NTMT1: variants seen among roughly 807,000 people sequenced by gnomAD.
NTMT1 encodes N-terminal Xaa-Pro-Lys N-methyltransferase 1.
A neutral mutation model predicts 17.5 loss-of-function variants in NTMT1; 8 were observed. The ratio of observed to expected loss-of-function variants is 0.46; its 90% CI spans 0.27 to 0.82. The LOEUF (loss-of-function observed/expected upper bound fraction) is 0.82. Among genes scored for constraint, NTMT1 ranks in the 40% least tolerant of loss-of-function variants. NTMT1 has a pLI of 0.15. For missense variants in NTMT1, 221 were observed against 303.5 expected (o/e 0.73, Z 2.02); for synonymous variants, 128 against 126.8 (o/e 1.01, Z -0.06).
At chr9:129,625,218 A>G (rs952463497), upstream of NTMT1, among the ~76,000 whole-genome samples, 3 of 152,138 alleles carry the variant, frequency 2.0e-5, no homozygotes, top group African/African-American at 7.2e-5. Context: ...ATTTCTTTGC[A>G]TGGGAGGAGC....
Position 129,635,012 on chromosome 9 carries a change from G to A in NTMT1, c.416-196G>A, listed in dbSNP as rs185203519. The stretch of plus-strand genomic sequence containing the variant: ...TGGCTTAATGTGTCTTTAGGTAGAT[G>A]ACCTCTGAGCCACAGTTTCCTATTC... On this transcript the variant is annotated intron_variant, in intron 3 of 3. Coordinates refer to ENST00000372483, the MANE Select transcript of NTMT1 (RefSeq NM_014064.4). 1.9e-5 allele frequency: 12 copies of A among 639,476 alleles called. No individual in the cohort carries two copies. The Admixed American group carries it at 3.0e-4, about 16-fold the overall frequency. The allele number at this position is 639,476 out of a possible 1,614,324, so 39.6% of individuals were successfully genotyped here. A position where few individuals can be genotyped will look rare whatever the true frequency, so the allele number is the denominator to read the frequency against.
chr9:129,626,807 C>G (rs1292803113), intron 1 of NTMT1, among the ~76,000 whole-genome samples: 1 of 152,228 alleles, frequency 6.6e-6, no homozygotes, highest in Non-Finnish European at 1.5e-5. Context: ...AGAGCCCTTG[C>G]GGCCAAGGTC....
Position 129,635,646 on chromosome 9 carries a change from G to T in NTMT1, c.*182G>T. The T allele has an allele frequency of 2.7e-6, 2 of 753,794 alleles. No homozygotes were observed. The highest frequency in any genetic ancestry group is 3.6e-5 in the South Asian group (2 of 56,048). 46.7% of individuals were successfully genotyped at this position (753,794 alleles called of 1,614,324 possible). On this transcript the variant is annotated 3_prime_UTR_variant, in exon 4 of 4. Coordinates refer to ENST00000372483, the MANE Select transcript of NTMT1 (RefSeq NM_014064.4). ...AGGCAAGGTGGGACCCGGCGGGGAGGGTGCTGCTGAACCAGCGGTGAGGCA... is the reference window on the plus strand; with the variant it reads ...AGGCAAGGTGGGACCCGGCGGGGAGTGTGCTGCTGAACCAGCGGTGAGGCA...
chr9:129,630,414 C>CTT (rs1343991828), intron 1 of NTMT1, among the ~76,000 whole-genome samples: 4 of 152,134 alleles, frequency 2.6e-5, no homozygotes, highest in Non-Finnish European at 5.9e-5. Context: ...AGTCTGGCGA[C>CTT]AGTGAGACCC....
chr9:129,620,042 C>G lies in NTMT1; in HGVS notation c.-55+10864C>G, dbSNP rs979850751. On this transcript the variant is annotated intron_variant, in intron 1 of 3. Transcript: ENST00000372486. The surrounding 1 kb of genome is among the most constrained non-coding windows in gnomAD (Gnocchi z 5.8). ...CCCCACCGGAAATGACTCGGGCCCG[C>G]CCCCCGGGCCCCGCGGGGCCTCACT... 1 of 1,451,422 alleles carries G rather than the reference C, an allele frequency of 6.9e-7. No homozygotes were observed. Among genetic ancestry groups the G allele is most frequent in the African/African-American group, 1.4e-5 (1 of 69,698 alleles). 89.9% of individuals were successfully genotyped at this position (1,451,422 alleles called of 1,614,324 possible). A position where few individuals can be genotyped will look rare whatever the true frequency, so the allele number is the denominator to read the frequency against.
rs549607642 is a variant in NTMT1, at chr9:129,631,832, C to T, written c.-54-818C>T. Among the ~76,000 whole-genome samples the T allele has an allele frequency of 2.6e-5, 4 of 152,346 alleles. No individual in the cohort carries two copies. In the South Asian group the frequency reaches 8.3e-4, roughly 32 times the overall value. ...CCCCGCACCCGACTCCACTTCCTCC[C>T]TCCGTGCTCTGCTGGCACTGGCGCT... On this transcript the variant is annotated intron_variant, in intron 1 of 3. Transcript: ENST00000372483.
chr9:129,615,336 G>C, intron 1 of NTMT1: 1 of 851,440 alleles, frequency 1.2e-6, no homozygotes. Context: ...CTCCAAGGAG[G>C]CCAGTTCAGG....
intron 1 of NTMT1, among the ~76,000 whole-genome samples, chr9:129,615,157 G>C (rs1002829526): frequency 6.6e-6 from 1 of 152,180 alleles, no homozygotes; most frequent in South Asian, 2.1e-4. Context: ...TGGGGACTGC[G>C]GAGGGGAGCA....
intron 2 of NTMT1, among the ~76,000 whole-genome samples, 175 bp from the exon 3 acceptor site, chr9:129,633,879 T>C (rs1831340837): frequency 6.6e-6 from 1 of 152,152 alleles, no homozygotes; most frequent in South Asian, 2.1e-4. Flanking sequence ...TGTCCTCCCA[T>C]GCTCATCCCC....
intron 1 of NTMT1, chr9:129,619,927 G>A (rs1220042738): frequency 6.6e-7 from 1 of 1,505,546 alleles, no homozygotes; most frequent in African/African-American, 1.4e-5. Context: ...CTCAAGGACG[G>A]GTTGCGAGGG....
chr9:129,619,340 T>G (rs1448905262), intron 1 of NTMT1, among the ~76,000 whole-genome samples: 1 of 152,194 alleles, frequency 6.6e-6, no homozygotes, highest in Non-Finnish European at 1.5e-5. Context: ...ATTGATGAAC[T>G]GGCGAATGAA....
intron 1 of NTMT1, among the ~76,000 whole-genome samples, chr9:129,631,948 C>T (rs1010718735): frequency 1.3e-5 from 2 of 152,208 alleles, no homozygotes; most frequent in Non-Finnish European, 2.9e-5. Context: ...CGGTGCCTGG[C>T]ACAGAGTCCC....
intron 1 of NTMT1, chr9:129,612,520 T>G: frequency 7.9e-7 from 1 of 1,264,592 alleles, no homozygotes; most frequent in Non-Finnish European, 1.1e-6. Flanking sequence ...GGGCTCCCAG[T>G]GGGATTCTGT....
At chr9:129,611,525 G>A (rs1282596293) in intron 1 of NTMT1, among the ~76,000 whole-genome samples, 2 of 152,298 alleles carry the variant, frequency 1.3e-5, no homozygotes, top group Non-Finnish European at 2.9e-5. Flanking sequence ...CAACCCTTCC[G>A]GGGAAACGCA....
upstream of NTMT1, among the ~76,000 whole-genome samples, chr9:129,623,955 G>A (rs143132239): frequency 2.0e-5 from 3 of 151,444 alleles, no homozygotes; most frequent in Non-Finnish European, 4.4e-5. Context: ...CACCACGCCC[G>A]GCTAATTTTT....
rs759160294 is a variant in NTMT1, at chr9:129,613,189, A to G, written c.-55+4011A>G. ...AGCAGCGGCCTTCTTCCATGAACAG[A>G]AGGGCAGGCTGCTGTTCATGGAGGT... On this transcript the variant is annotated intron_variant, in intron 1 of 3. Coordinates refer to the NTMT1 transcript ENST00000372486. The surrounding 1 kb of genome is among the most constrained non-coding windows in gnomAD (Gnocchi z 6.2). 1 of 1,613,598 alleles carries G rather than the reference A, an allele frequency of 6.2e-7. No homozygotes were observed. Among genetic ancestry groups the G allele is most frequent in the Non-Finnish European group, 8.5e-7 (1 of 1,179,976 alleles).
At chr9:129,615,475 T>C (rs1311807183) in intron 1 of NTMT1, 3 of 1,572,800 alleles carry the variant, frequency 1.9e-6, no homozygotes, top group South Asian at 2.3e-5. Flanking sequence ...CCCCATCCTG[T>C]CTGCTTACCT....
Position 129,610,167 on chromosome 9 carries a change from T to G in NTMT1, c.-55+989T>G, listed in dbSNP as rs372859653. Among the ~76,000 whole-genome samples, 374 of 133,762 alleles carry G rather than the reference T, an allele frequency of 2.8e-3. 1 individual carries two copies. Among genetic ancestry groups the G allele is most frequent in the African/African-American group, 9.9e-3 (355 of 35,874 alleles). The allele number at this position is 133,762 out of a possible 152,430, so 87.8% of individuals were successfully genotyped here. A position where few individuals can be genotyped will look rare whatever the true frequency, so the allele number is the denominator to read the frequency against. Reference sequence around the variant, plus strand: ...GGAGCGCTGCGGGATCCCGGGGCCTTGCGGGCCGAGCCACAGGGGAGGGGG... The same window carrying G: ...GGAGCGCTGCGGGATCCCGGGGCCTGGCGGGCCGAGCCACAGGGGAGGGGG... On this transcript the variant is annotated intron_variant, in intron 1 of 3. Coordinates refer to the NTMT1 transcript ENST00000372486.
Position 129,614,451 on chromosome 9 carries a change from C to T in NTMT1, c.-55+5273C>T, listed in dbSNP as rs1588111678. The stretch of plus-strand genomic sequence containing the variant: ...TTCCTGAAACTGCACATAGTGGGTG[C>T]TCAATAAACAGCTAGAGGACATTGA... On this transcript the variant is annotated intron_variant, in intron 1 of 3. Transcript: ENST00000372486. The surrounding 1 kb of genome is among the most constrained non-coding windows in gnomAD (Gnocchi z 4.4). Among the ~76,000 whole-genome samples the T allele has an allele frequency of 1.3e-5, 2 of 152,172 alleles. No homozygotes were observed. Among genetic ancestry groups the T allele is most frequent in the African/African-American group, 4.8e-5 (2 of 41,438 alleles).
Sources: gnomAD v4.1 joint callset for allele counts (sites outside exome capture counted in the v4.1 genomes callset) on GRCh38, gnomAD v4.1.1 for gene constraint, Gnocchi (gnomAD v3.1) non-coding constraint, MANE v1.5 for transcripts, NCBI Gene and HGNC (gene_info 2026-07-23, HGNC 2026-07-21) for gene names.